The following ZSCAN25 variants were observed in gnomAD, a reference collection of about 807,000 sequenced individuals.
ZSCAN25 encodes the protein zinc finger and SCAN domain containing 25, also known as zinc finger and SCAN domain-containing protein 25.
ZSCAN25 carries 27 observed loss-of-function variants against 38.7 expected under a neutral mutation model. That is an observed-to-expected ratio of 0.70 (90% confidence interval 0.51 to 0.96). ZSCAN25 has a LOEUF of 0.96. ZSCAN25 is among the 40% of genes least tolerant of loss of function. The probability of loss-of-function intolerance (pLI) is 0.00; values close to 1 mark genes in which losing one functional copy is unlikely to be tolerated. For missense variants in ZSCAN25, 637 were observed against 705.9 expected (o/e 0.90, Z 1.11); for synonymous variants, 273 against 277.7 (o/e 0.98, Z 0.17).
At chr7:99,670,547 G>A in the ZSCAN25 span, among the ~76,000 whole-genome samples, 1 of 152,030 alleles carries the variant, frequency 6.6e-6, no homozygotes, top group Non-Finnish European at 1.5e-5. Context: ...ATTTTCAGTC[G>A]ACATATATAT....
the ZSCAN25 span, among the ~76,000 whole-genome samples, chr7:99,656,171 A>T: frequency 1.3e-5 from 2 of 152,150 alleles, no homozygotes; most frequent in Non-Finnish European, 2.9e-5. Flanking sequence ...TTTCAAAGGG[A>T]ATGATTCCAG....
chr7:99,699,765 A>G, the ZSCAN25 span, among the ~76,000 whole-genome samples: 1 of 152,254 alleles, frequency 6.6e-6, no homozygotes, highest in Non-Finnish European at 1.5e-5. Context: ...CAAAATTAGA[A>G]GGTGGCTGGG....
chr7:99,676,032 C>G, the ZSCAN25 span: 1 of 1,230,044 alleles, frequency 8.1e-7, no homozygotes, highest in South Asian at 1.2e-5. Context: ...AGAACTCCCT[C>G]CCAAGGAGGG....
At chr7:99,705,653 T>C in the ZSCAN25 span, 1 of 1,596,594 alleles carries the variant, frequency 6.3e-7, no homozygotes, top group Non-Finnish European at 8.6e-7. Context: ...GTAGAAAGTA[T>C]AGCATCAAAG....
chr7:99,624,019 ATTCT>A, intron 6 of ZSCAN25, 34 bp from the exon 7 acceptor site: 2 of 1,613,696 alleles, frequency 1.2e-6, no homozygotes, highest in Non-Finnish European at 1.7e-6. Context: ...CTGGCCTAGG[ATTCT>A]TTCTTTATTC....
the ZSCAN25 span, among the ~76,000 whole-genome samples, chr7:99,691,440 TAATAA>T: frequency 2.0e-5 from 3 of 151,806 alleles, no homozygotes; most frequent in East Asian, 1.9e-4. Context: ...ACTTAAATAA[TAATAA>T]AATAAAATAA....
chr7:99,630,447 C>T lies in ZSCAN25; in HGVS notation c.*427C>T, dbSNP rs1807908925. ...CCCCCTCTCTTTTCCATTGAACAAA[C>T]ATTTATTGAACATCCTCTGAGCACC... is the stretch of plus-strand genomic sequence containing the variant. On this transcript the variant is annotated 3_prime_UTR_variant, in exon 8 of 8. Transcript: ENST00000394152. 1.0e-6 allele frequency: 1 copy of T among 1,004,784 alleles called. No homozygotes were observed. Among genetic ancestry groups the T allele is most frequent in the Middle Eastern group, 5.0e-4 (1 of 1,984 alleles). 62.2% of individuals were successfully genotyped at this position (1,004,784 alleles called of 1,614,324 possible). A position where few individuals can be genotyped will look rare whatever the true frequency, so the allele number is the denominator to read the frequency against.
chr7:99,621,154 C>T lies in ZSCAN25; in HGVS notation c.388-219C>T, dbSNP rs573250148. On this transcript the variant is annotated intron_variant, in intron 4 of 7. Transcript: ENST00000394152. ...GGTAGAGGGGACCCTTGTCAAATGG[C>T]GTGGACAGATAAAAGTTGCTCAGGG... 410 of 376,368 alleles carry T rather than the reference C, an allele frequency of 1.1e-3. 1 individual carries two copies. Among genetic ancestry groups the T allele is most frequent in the African/African-American group, 8.0e-3 (385 of 48,350 alleles). The allele number at this position is 376,368 out of a possible 1,614,324, so 23.3% of individuals were successfully genotyped here.
At chr7:99,650,146 G>A in the ZSCAN25 span, 35 of 1,614,018 alleles carry the variant, frequency 2.2e-5, no homozygotes, top group Non-Finnish European at 2.6e-5. Flanking sequence ...GTTCATGAGA[G>A]CAAACCTCAT....
the ZSCAN25 span, among the ~76,000 whole-genome samples, chr7:99,684,619 G>T: frequency 2.0e-5 from 3 of 152,108 alleles, no homozygotes; most frequent in Non-Finnish European, 2.9e-5. Context: ...TTTACTTGTT[G>T]GTTCTCATTC....
the ZSCAN25 span, among the ~76,000 whole-genome samples, chr7:99,693,626 C>T: frequency 1.3e-5 from 2 of 152,216 alleles, no homozygotes; most frequent in Admixed American, 6.5e-5. Context: ...GGCTGATACC[C>T]CTCCTCTATC....
chr7:99,652,662 C>T, the ZSCAN25 span: 1 of 1,614,116 alleles, frequency 6.2e-7, no homozygotes, highest in South Asian at 1.1e-5. Flanking sequence ...CCATTGATTT[C>T]AACATCTTTC....
chr7:99,622,528 A>G (rs917135942), intron 5 of ZSCAN25, 21 bp from the exon 6 acceptor site: 14 of 1,612,196 alleles, frequency 8.7e-6, no homozygotes, highest in Non-Finnish European at 1.1e-5. Flanking sequence ...GATCTTTCTC[A>G]TGCTTTTTGT....
At chr7:99,643,555 G>A in the ZSCAN25 span, among the ~76,000 whole-genome samples, 5 of 151,668 alleles carry the variant, frequency 3.3e-5, no homozygotes, top group African/African-American at 9.7e-5. Context: ...TCACAGTCTT[G>A]AGGTGAGATT....
At chr7:99,732,166 A>C in the ZSCAN25 span, among the ~76,000 whole-genome samples, 2 of 152,024 alleles carry the variant, frequency 1.3e-5, no homozygotes, top group African/African-American at 4.8e-5. Context: ...CTTGACAATG[A>C]GTTTTTATGA....
At chr7:99,715,705 A>G in the ZSCAN25 span, 1 of 1,612,614 alleles carries the variant, frequency 6.2e-7, no homozygotes. Context: ...CATCTCAATA[A>G]AGCAGTTATT....
At chr7:99,638,424 G>T in the ZSCAN25 span, 1 of 1,576,708 alleles carries the variant, frequency 6.3e-7, no homozygotes, top group Non-Finnish European at 8.7e-7. Context: ...GAGGATTATG[G>T]CATCCCTCAT....
the ZSCAN25 span, chr7:99,647,701 C>G: frequency 1.0e-6 from 1 of 985,422 alleles, no homozygotes; most frequent in Non-Finnish European, 1.2e-6. Context: ...AGCAGATTAA[C>G]TCTCACCTAT....
At chr7:99,654,336 G>T in the ZSCAN25 span, among the ~76,000 whole-genome samples, 2 of 152,016 alleles carry the variant, frequency 1.3e-5, no homozygotes, top group African/African-American at 4.8e-5. Context: ...ACAGTGTTTG[G>T]TTTTTTGTCC....
Sources: allele counts gnomAD v4.1 joint callset (sites outside exome capture counted in the v4.1 genomes callset), GRCh38; gene constraint gnomAD v4.1.1; transcripts MANE v1.5; gene names NCBI Gene and HGNC (gene_info 2026-07-23, HGNC 2026-07-21).